The following ADGRL2 variants were observed in gnomAD, a reference collection of about 807,000 sequenced individuals.
ADGRL2 encodes adhesion G protein-coupled receptor L2, also known as calcium-independent alpha-latrotoxin receptor 2.
ADGRL2 carries 44 observed loss-of-function variants against 157.4 expected under a neutral mutation model. That is an observed-to-expected ratio of 0.28 (90% CI 0.22 to 0.36). The LOEUF (loss-of-function observed/expected upper bound fraction) is 0.36. Ranked by LOEUF, ADGRL2 falls within the 10% of genes least tolerant of loss-of-function variation. The pLI is 1.00. For synonymous variants in ADGRL2, 585 were observed against 624.7 expected (o/e 0.94, Z 0.95); for missense variants, 1,510 against 1,768.9 (o/e 0.85, Z 2.63).
At position 81,832,200 on chromosome 1, in the gene ADGRL2, G is replaced by A. The variant is rs376169254; in HGVS notation, c.-100-4685G>A. Among the ~76,000 whole-genome samples the A allele has an allele frequency of 1.3e-3, 199 of 152,202 alleles. 8 individuals are homozygous for A. The South Asian group carries it at 0.038, about 29-fold the overall frequency. On this transcript the variant is annotated intron_variant, in intron 1 of 23. Coordinates refer to ENST00000686636, the MANE Select transcript of ADGRL2 (RefSeq NM_001366006.2). The stretch of plus-strand genomic sequence containing the variant: ...TGTGTCACCCAGGCTGGAGTGCAGC[G>A]GCACGATCTCGGCTCACTGCAACCT...
intron 2 of ADGRL2, among the ~76,000 whole-genome samples, chr1:81,467,087 T>C (rs541189105): frequency 6.6e-6 from 1 of 151,898 alleles, no homozygotes; most frequent in Non-Finnish European, 1.5e-5. Flanking sequence ...AGAAAGTTGG[T>C]GTCCTCATAA....
At chr1:81,869,725 T>C (rs899964946) in intron 2 of ADGRL2, among the ~76,000 whole-genome samples, 2 of 152,100 alleles carry the variant, frequency 1.3e-5, no homozygotes, top group African/African-American at 4.8e-5. Flanking sequence ...ATATAATTTG[T>C]GACTCAGAAT....
chr1:81,561,941 T>G (rs985326106), intron 2 of ADGRL2, among the ~76,000 whole-genome samples: 2 of 152,190 alleles, frequency 1.3e-5, no homozygotes, highest in Non-Finnish European at 2.9e-5. Context: ...TCATGCCTTT[T>G]GGGGCAACTG....
chr1:81,728,806 G>T (rs905524872), intron 1 of ADGRL2, among the ~76,000 whole-genome samples: 3 of 152,046 alleles, frequency 2.0e-5, no homozygotes, highest in Non-Finnish European at 4.4e-5. Flanking sequence ...TTCTGCACTG[G>T]CTTTAGATCC....
chr1:81,960,592 G>T (rs1655032284), intron 11 of ADGRL2, among the ~76,000 whole-genome samples: 1 of 151,150 alleles, frequency 6.6e-6, no homozygotes, highest in Non-Finnish European at 1.5e-5. Flanking sequence ...CTCCTACCTC[G>T]GCCTCCCGAG....
At chr1:81,648,186 G>T (rs2082348967) in intron 3 of ADGRL2, among the ~76,000 whole-genome samples, 1 of 152,174 alleles carries the variant, frequency 6.6e-6, no homozygotes, top group South Asian at 2.1e-4. Flanking sequence ...AGAACCAAGA[G>T]GCTATGGCTG....
chr1:81,874,585 TTCTG>T (rs1400890047), intron 2 of ADGRL2, among the ~76,000 whole-genome samples: 8 of 152,102 alleles, frequency 5.3e-5, no homozygotes, highest in Non-Finnish European at 5.9e-5. Flanking sequence ...TTTTCTTTCT[TTCTG>T]TCTGTCTTGT....
intron 2 of ADGRL2, among the ~76,000 whole-genome samples, chr1:81,576,185 C>T (rs182960743): frequency 6.6e-6 from 1 of 152,094 alleles, no homozygotes; most frequent in South Asian, 2.1e-4. Flanking sequence ...AGTAAACTCA[C>T]ACCTCAAACA....
At chr1:81,650,421 C>T (rs571691612) in intron 3 of ADGRL2, among the ~76,000 whole-genome samples, 1 of 151,636 alleles carries the variant, frequency 6.6e-6, no homozygotes, top group East Asian at 1.9e-4. Flanking sequence ...TAAAAAAATA[C>T]AAAAATTAGC....
chr1:81,469,957 G>A (rs1232118587), intron 2 of ADGRL2, among the ~76,000 whole-genome samples: 1 of 152,212 alleles, frequency 6.6e-6, no homozygotes, highest in Non-Finnish European at 1.5e-5. Context: ...CCTGTGGACT[G>A]ATAGCCATGC....
intron 2 of ADGRL2, among the ~76,000 whole-genome samples, chr1:81,520,224 T>C (rs1158230109): frequency 6.6e-6 from 1 of 152,138 alleles, no homozygotes; most frequent in Non-Finnish European, 1.5e-5. Context: ...GTTTTCTTTG[T>C]TTTTTGTTTG....
At chr1:81,475,622 A>G (rs915195568) in intron 2 of ADGRL2, among the ~76,000 whole-genome samples, 9 of 152,206 alleles carry the variant, frequency 5.9e-5, no homozygotes, top group African/African-American at 2.2e-4. Context: ...AAATGGGTTC[A>G]TCTTTCCTAA....
At chr1:81,313,592 A>C (rs1659902196) in intron 1 of ADGRL2, among the ~76,000 whole-genome samples, 1 of 152,202 alleles carries the variant, frequency 6.6e-6, no homozygotes. Context: ...TTCCAGTACC[A>C]AAGTTCGAAA....
Position 81,622,304 on chromosome 1 carries a change from C to T in ADGRL2, c.-143+41324C>T, listed in dbSNP as rs146108024. Among the ~76,000 whole-genome samples, 1,327 of 152,038 alleles carry T rather than the reference C, an allele frequency of 8.7e-3. 34 individuals carry two copies. Among genetic ancestry groups the T allele is most frequent in the African/African-American group, 0.03 (1,262 of 41,468 alleles). ...CTTTAAAACCTACGTTTTTTTTGGC[C>T]GGGCACGGTAGCTCATGCCTGTAAT... On this transcript the variant is annotated intron_variant, in intron 3 of 24. Coordinates refer to the ADGRL2 transcript ENST00000370721.
chr1:81,917,325 T>A (rs2094879301), intron 3 of ADGRL2, among the ~76,000 whole-genome samples: 1 of 152,188 alleles, frequency 6.6e-6, no homozygotes, highest in Admixed American at 6.6e-5. Context: ...AGGCTTCTGA[T>A]GGCATTTTAC....
chr1:81,516,867 G>A (rs1049756720), intron 2 of ADGRL2, among the ~76,000 whole-genome samples: 2 of 151,968 alleles, frequency 1.3e-5, no homozygotes, highest in Non-Finnish European at 2.9e-5. Flanking sequence ...AAAGTTTCAT[G>A]TCCCCCTCTG....
At chr1:81,896,481 G>C (rs759799104) in intron 2 of ADGRL2, among the ~76,000 whole-genome samples, 1 of 152,056 alleles carries the variant, frequency 6.6e-6, no homozygotes, top group South Asian at 2.1e-4. Flanking sequence ...TCTTTGTCCT[G>C]TTTGTATTCT....
chr1:81,803,517 T>C (rs2149515379), intron 1 of ADGRL2, among the ~76,000 whole-genome samples: 1 of 152,138 alleles, frequency 6.6e-6, no homozygotes, highest in Admixed American at 6.5e-5. Flanking sequence ...TCATAGCCTT[T>C]CTCTTTTTAG....
chr1:81,526,245 AT>A (rs2079451922), intron 2 of ADGRL2, among the ~76,000 whole-genome samples: 2 of 132,258 alleles, frequency 1.5e-5, no homozygotes, highest in African/African-American at 5.8e-5. Context: ...GGCATGCAGA[AT>A]AACTTTTGAA....
Sources: gnomAD v4.1 joint callset for allele counts (sites outside exome capture counted in the v4.1 genomes callset) on GRCh38, gnomAD v4.1.1 for gene constraint, MANE v1.5 for transcripts, NCBI Gene and HGNC (gene_info 2026-07-23, HGNC 2026-07-21) for gene names.